NEBL: variants seen among roughly 807,000 people sequenced by gnomAD.
NEBL encodes nebulette, also known as LIM and SH3 protein 2.
In NEBL, 122 loss-of-function variants were observed where a neutral mutation model predicts 140.2. The observed-to-expected ratio is 0.87, with a 90% CI of 0.75 to 1.01. The LOEUF (loss-of-function observed/expected upper bound fraction) is 1.01, where lower values mean the gene tolerates loss of function less well. NEBL is among the 50% of genes least tolerant of loss of function. The pLI, the probability that NEBL is intolerant of heterozygous loss-of-function variation, is 0.00. For missense variants in NEBL, 1,365 were observed against 1,231.3 expected (o/e 1.11, Z -1.62); for synonymous variants, 436 against 398.9 (o/e 1.09, Z -1.11).
intron 2 of NEBL, among the ~76,000 whole-genome samples, chr10:21,088,287 G>A (rs1170766916): frequency 2.0e-5 from 3 of 152,204 alleles, no homozygotes; most frequent in African/African-American, 7.2e-5. Context: ...CATCACTTGA[G>A]CCCAGGAGGT....
intron 3 of NEBL, among the ~76,000 whole-genome samples, chr10:21,226,262 A>G (rs1002264811): frequency 6.6e-5 from 10 of 151,602 alleles, no homozygotes; most frequent in African/African-American, 2.4e-4. Flanking sequence ...CAATTGCAAG[A>G]TAAAGTCCTC....
intron 13 of NEBL, among the ~76,000 whole-genome samples, chr10:20,839,858 T>C (rs765957897): frequency 1.3e-5 from 2 of 152,088 alleles, no homozygotes; most frequent in Non-Finnish European, 2.9e-5. Context: ...TGGCCATAGA[T>C]ATGAGTTATC....
At chr10:20,808,471 AT>A in intron 26 of NEBL, 38 bp downstream of exon 26, 1 of 1,607,490 alleles carries the variant, frequency 6.2e-7, no homozygotes, top group Non-Finnish European at 8.5e-7. Context: ...CACTTAAAAA[AT>A]GAATCGATTT....
chr10:21,196,384 GC>G (rs1261743925), intron 3 of NEBL, among the ~76,000 whole-genome samples: 2 of 148,878 alleles, frequency 1.3e-5, no homozygotes, highest in African/African-American at 5.0e-5. Context: ...TGCTCTTGTT[GC>G]CCAGGGTGGA....
chr10:21,055,706 T>A (rs1386309704), intron 2 of NEBL, among the ~76,000 whole-genome samples: 1 of 152,204 alleles, frequency 6.6e-6, no homozygotes, highest in African/African-American at 2.4e-5. Context: ...ACAAAGTCTG[T>A]GTTAGATAAA....
intron 2 of NEBL, among the ~76,000 whole-genome samples, chr10:21,165,815 C>T (rs1840738049): frequency 6.6e-6 from 1 of 152,066 alleles, no homozygotes; most frequent in Non-Finnish European, 1.5e-5. Context: ...GTGATGGGCA[C>T]AAACAGAAAA....
intron 3 of NEBL, among the ~76,000 whole-genome samples, chr10:21,192,889 CAA>C (rs1457856386): frequency 1.3e-5 from 2 of 150,286 alleles, no homozygotes; most frequent in Non-Finnish European, 3.0e-5. Context: ...AGTCTAAAAA[CAA>C]TGAAACATAA....
chr10:21,278,199 G>A (rs944779127), intron 1 of NEBL, among the ~76,000 whole-genome samples: 5 of 152,250 alleles, frequency 3.3e-5, no homozygotes, highest in Admixed American at 1.3e-4. Flanking sequence ...CCAGCTACTC[G>A]GGAGCCTGAG....
chr10:21,186,420 C>T (rs901640255), intron 3 of NEBL, among the ~76,000 whole-genome samples: 4 of 152,144 alleles, frequency 2.6e-5, no homozygotes, highest in Admixed American at 2.6e-4. Context: ...ATACAGTTGC[C>T]TTTGGTATCC....
intron 1 of NEBL, among the ~76,000 whole-genome samples, chr10:21,263,022 A>G (rs187236926): frequency 6.6e-6 from 1 of 152,364 alleles, no homozygotes; most frequent in Non-Finnish European, 1.5e-5. Flanking sequence ...TCAAGAAGAT[A>G]CAGATGTATT....
chr10:21,046,070 C>T (rs565863856), intron 2 of NEBL, among the ~76,000 whole-genome samples: 1 of 152,200 alleles, frequency 6.6e-6, no homozygotes, highest in East Asian at 1.9e-4. Context: ...GAAGAAAATC[C>T]CGTCATTTGT....
chr10:21,048,205 G>A (rs1348374469), intron 2 of NEBL, among the ~76,000 whole-genome samples: 2 of 152,200 alleles, frequency 1.3e-5, no homozygotes, highest in African/African-American at 4.8e-5. Flanking sequence ...TGTCCTCAAA[G>A]AGTTGGTATC....
chr10:20,817,454 C>T (rs1838835037), intron 21 of NEBL, 146 bp downstream of exon 21: 1 of 759,522 alleles, frequency 1.3e-6, no homozygotes. Flanking sequence ...ATACCAAAGT[C>T]CCCGAAATCT....
At chr10:20,862,237 A>T (rs1843779247) in intron 7 of NEBL, among the ~76,000 whole-genome samples, 1 of 152,212 alleles carries the variant, frequency 6.6e-6, no homozygotes, top group Non-Finnish European at 1.5e-5. Context: ...ATTTATATTA[A>T]ATGTAATAAT....
intron 5 of NEBL, among the ~76,000 whole-genome samples, chr10:20,875,263 G>A (rs778578664): frequency 4.0e-5 from 6 of 151,884 alleles, no homozygotes; most frequent in Non-Finnish European, 7.4e-5. Context: ...CCCTATGCTC[G>A]TGCAGAGCAT....
intron 3 of NEBL, among the ~76,000 whole-genome samples, chr10:21,002,275 C>T (rs538641558): frequency 4.6e-5 from 7 of 152,020 alleles, no homozygotes; most frequent in Admixed American, 6.5e-5. Context: ...AGCAGAACTT[C>T]GTGTCCTATG....
At chr10:20,979,232 A>G (rs1434776714) in intron 3 of NEBL, among the ~76,000 whole-genome samples, 1 of 152,224 alleles carries the variant, frequency 6.6e-6, no homozygotes, top group Non-Finnish European at 1.5e-5. Context: ...AGCCTGGGCA[A>G]AAGAGCAAGA....
intron 2 of NEBL, chr10:21,125,958 T>C (rs528299711): frequency 6.2e-7 from 1 of 1,614,222 alleles, no homozygotes; most frequent in South Asian, 1.1e-5. Context: ...CCCAGTTGCC[T>C]GGATCTGGTT....
At chr10:21,276,270 C>G (rs1842924440) in intron 1 of NEBL, among the ~76,000 whole-genome samples, 2 of 152,154 alleles carry the variant, frequency 1.3e-5, no homozygotes, top group Admixed American at 1.3e-4. Context: ...CCACGCCCAG[C>G]CCAACTTACC....
Sources: gnomAD v4.1 joint callset for allele counts (sites outside exome capture counted in the v4.1 genomes callset) on GRCh38, gnomAD v4.1.1 for gene constraint, MANE v1.5 for transcripts, NCBI Gene and HGNC (gene_info 2026-07-23, HGNC 2026-07-21) for gene names.